Variants in HECTD4 observed in about 807,000 individuals in gnomAD.
HECTD4 encodes the protein probable E3 ubiquitin-protein ligase HECTD4.
In HECTD4, 114 loss-of-function variants were observed where a neutral mutation model predicts 471.5. That is an observed-to-expected ratio of 0.24 (90% CI 0.21 to 0.28). The LOEUF is 0.28. HECTD4 is among the 10% of genes least tolerant of loss of function. The pLI is 1.00. For missense variants in HECTD4, 3,866 were observed against 5,651.5 expected, an observed-to-expected ratio of 0.68 and a Z score of 10.13; for synonymous variants, 2,012 against 2,256.0, an observed-to-expected ratio of 0.89 and a Z score of 3.07.
chr12:112,287,665 G>A (rs1015078111), intron 7 of HECTD4, among the ~76,000 whole-genome samples: 5 of 152,010 alleles, frequency 3.3e-5, no homozygotes, highest in African/African-American at 1.2e-4. Context: ...GCTCCCAGCT[G>A]GATTACGCCT....
Position 112,259,213 on chromosome 12 carries a change from G to T in HECTD4, c.2926C>A (p.Pro976Thr), listed in dbSNP as rs746497618. Reference protein sequence around the residue: ...TKATMLGHLLPVLLTSLMHPN... With the variant: ...TKATMLGHLLTVLLTSLMHPN... Reference sequence around the variant, plus strand: ...TGCATCAAGGAGGTCAGTAACACTGGAAGAAGGTGACCAAGCATAGTAGCC... The same window carrying T: ...TGCATCAAGGAGGTCAGTAACACTGTAAGAAGGTGACCAAGCATAGTAGCC... The change falls in exon 19 of 76, where the codon CCA becomes ACA. Residue 976 changes from proline (P) to threonine (T), a missense_variant. Physicochemically the swap from Pro to Thr is conservative, Grantham distance 38 (BLOSUM62 -1). Transcript: ENST00000682272. The T allele has an allele frequency of 6.2e-7, 1 of 1,613,936 alleles. No individual in the cohort carries two copies. Among genetic ancestry groups the T allele is most frequent in the Non-Finnish European group, 8.5e-7 (1 of 1,179,868 alleles).
intron 2 of HECTD4, among the ~76,000 whole-genome samples, chr12:112,316,805 C>G (rs1001792904): frequency 2.0e-5 from 3 of 151,472 alleles, no homozygotes; most frequent in African/African-American, 7.3e-5. Context: ...AAGCACATGA[C>G]TTCTGAAGTC....
In HECTD4 at chr12:112,313,226, G is replaced by A. The variant is rs977778447; in HGVS notation, c.786-79C>T. 2.5e-6 allele frequency: 3 copies of A among 1,194,114 alleles called. No individual in the cohort carries two copies. The African/African-American group carries it at 4.6e-5, about 18-fold the overall frequency. The allele number at this position is 1,194,114 out of a possible 1,614,324, so 74.0% of individuals were successfully genotyped here. A position where few individuals can be genotyped will look rare whatever the true frequency, so the allele number is the denominator to read the frequency against. ...AGAAGTATACCTGCTACCCCAAAGAGTAGAAACCAAAATTTTAAAACTAAG... is the reference window on the plus strand; with the variant it reads ...AGAAGTATACCTGCTACCCCAAAGAATAGAAACCAAAATTTTAAAACTAAG... On this transcript the variant is annotated intron_variant, in intron 3 of 75. Transcript: ENST00000682272.
Position 112,243,131 on chromosome 12 carries a change from T to C in HECTD4, c.4958+222A>G, listed in dbSNP as rs140513289. Among the ~76,000 whole-genome samples the C allele has an allele frequency of 5.2e-3, 786 of 152,308 alleles. 4 individuals carry two copies. The highest frequency in any genetic ancestry group is 0.018 in the African/African-American group (739 of 41,564). ...CATGTATGGTTGCTGTAATGAGCTCTTAATGGACAGAGTGGAATTCAGGAG... is the reference window on the plus strand; with the variant it reads ...CATGTATGGTTGCTGTAATGAGCTCCTAATGGACAGAGTGGAATTCAGGAG... On this transcript the variant is annotated intron_variant, in intron 32 of 75. Transcript: ENST00000682272. The surrounding 1 kb of genome is among the most constrained non-coding windows in gnomAD (Gnocchi z 6.6).
At chr12:112,259,034 C>T in intron 19 of HECTD4, 78 bp downstream of exon 19, 1 of 1,278,864 alleles carries the variant, frequency 7.8e-7, no homozygotes, top group East Asian at 2.5e-5. Flanking sequence ...TTTATTCTGT[C>T]TTCAGTGAAA....
At chr12:112,314,892 GA>G (rs1358142055) in intron 2 of HECTD4, among the ~76,000 whole-genome samples, 2 of 152,176 alleles carry the variant, frequency 1.3e-5, no homozygotes, top group African/African-American at 4.8e-5. Flanking sequence ...TCACCCTCTG[GA>G]GGATCATAAA....
chr12:112,300,307 CAAAAA>C (rs572345517), intron 7 of HECTD4, among the ~76,000 whole-genome samples: 1 of 69,924 alleles, frequency 1.4e-5, no homozygotes, highest in Non-Finnish European at 3.1e-5. Context: ...GATTCCATCT[CAAAAA>C]AAAAAAAAAA....
intron 1 of HECTD4, among the ~76,000 whole-genome samples, chr12:112,338,092 G>A (rs1273436183): frequency 6.6e-6 from 1 of 152,100 alleles, no homozygotes; most frequent in Admixed American, 6.6e-5. Flanking sequence ...TCGAAGTGTC[G>A]GCAGGGCTGC....
Position 112,251,140 on chromosome 12 carries a change from A to G in HECTD4, c.3553-6T>C, listed in dbSNP as rs2033874554. The G allele has an allele frequency of 2.5e-6, 4 of 1,612,964 alleles. No individual in the cohort carries two copies. Among genetic ancestry groups the G allele is most frequent in the Non-Finnish European group, 2.5e-6 (3 of 1,179,500 alleles). On this transcript the variant is annotated splice_polypyrimidine_tract_variant and splice_region_variant and intron_variant, in intron 23 of 75. Transcript: ENST00000682272. ...GAGACATCCTCCGAAGACTCCTACAATGCAGACAGGGGTAAACCACACTGG... is the reference window on the plus strand; with the variant it reads ...GAGACATCCTCCGAAGACTCCTACAGTGCAGACAGGGGTAAACCACACTGG...
At chr12:112,368,423 TCAAA>T (rs1465214407) in intron 1 of HECTD4, among the ~76,000 whole-genome samples, 3 of 152,194 alleles carry the variant, frequency 2.0e-5, no homozygotes, top group Admixed American at 6.6e-5. Context: ...TACCAAACTA[TCAAA>T]CAGATAACAC....
chr12:112,275,144 C>T (rs748428541), intron 9 of HECTD4, among the ~76,000 whole-genome samples, 184 bp from the exon 10 acceptor site: 8 of 152,238 alleles, frequency 5.3e-5, no homozygotes, highest in Admixed American at 1.3e-4. Flanking sequence ...ACTGTCACCA[C>T]CAGAAATTTT....
chr12:112,267,905 T>TGACCTCCCAGGCTCAAGTG (rs2034316684), intron 13 of HECTD4, among the ~76,000 whole-genome samples: 1 of 152,162 alleles, frequency 6.6e-6, no homozygotes. Flanking sequence ...ATTGCAGCCT[T>TGACCTCCCAGGCTCAAGTG]GACCTCCCAG....
intron 10 of HECTD4, 111 bp downstream of exon 10, chr12:112,274,736 C>T (rs949172234): frequency 2.3e-5 from 16 of 683,118 alleles, no homozygotes; most frequent in Admixed American, 1.6e-4. Flanking sequence ...AAACAAAAAA[C>T]GTCTTTCTTT....
chr12:112,229,318 C>A (rs1234130099), intron 41 of HECTD4, among the ~76,000 whole-genome samples: 1 of 150,564 alleles, frequency 6.6e-6, no homozygotes, highest in Admixed American at 6.7e-5. Context: ...CAGAGCAAGA[C>A]TCTGTCTCAA....
Position 112,185,290 on chromosome 12 carries a change from C to T in HECTD4, c.9676G>A (p.Glu3226Lys), listed in dbSNP as rs1256356900. 1 of 1,555,760 alleles carries T rather than the reference C, an allele frequency of 6.4e-7. No homozygotes were observed. Among genetic ancestry groups the T allele is most frequent in the Admixed American group, 1.9e-5 (1 of 51,386 alleles). Residue 3226 changes from glutamate to lysine, a missense_variant, in exon 61 of 76, where the codon GAG (glutamate) becomes AAG (lysine). Glu to Lys is a moderately conservative substitution (Grantham distance 56, BLOSUM62 1). Transcript: ENST00000682272. ...QSELHKLYDE[E>K]TQNWVSGGAC... Reference sequence around the variant, plus strand: ...CCGCCTGAGACCCAGTTCTGCGTCTCCTCGTCGTACAGCTTGTGGAGCTCC... The same window carrying T: ...CCGCCTGAGACCCAGTTCTGCGTCTTCTCGTCGTACAGCTTGTGGAGCTCC...
In HECTD4 at chr12:112,185,223, C is replaced by T. The variant is rs1238476280; in HGVS notation, c.9743G>A (p.Gly3248Asp). 5 of 1,551,054 alleles carry T rather than the reference C, an allele frequency of 3.2e-6. No homozygotes were observed. Among genetic ancestry groups the T allele is most frequent in the Non-Finnish European group, 4.4e-6 (5 of 1,146,872 alleles). Residue 3248 changes from glycine (G) to aspartate (D), a missense_variant, in exon 61 of 76, where the codon GGC (glycine) becomes GAC (aspartate). Around this residue, in one of 16 missense-constraint regions of HECTD4, gnomAD observed 364 missense variants for 413.2 expected, o/e 0.88. Transcript: ENST00000682272. ...TGCATGAAAATACGTAGAGAACCTG[C>T]CCTGGTCACCGGCCGCCGCCCCCCC... ...GSGGAAAGDQ[G>D]RFSTYFHALM...
At position 112,170,440 on chromosome 12, in the gene HECTD4, T is replaced by C. The variant is rs750605337; in HGVS notation, c.11945A>G (p.Tyr3982Cys). 26 of 1,613,810 alleles carry C rather than the reference T, an allele frequency of 1.6e-5. No individual in the cohort carries two copies. The highest frequency in any genetic ancestry group is 2.7e-5 in the African/African-American group (2 of 74,942). ...LLKEAKGLIF[Y>C]DTKVTVMNRV... is the part of the protein sequence containing the mutation. ...ATTCATCACGGTCACCTTCGTGTCA[T>C]AGAAGATCAGCCCTAAGGAGAGGAA... Residue 3982 changes from tyrosine to cysteine, a missense_variant, in exon 69 of 76, where the codon TAT (tyrosine) becomes TGT (cysteine). Tyr to Cys is a radical substitution (Grantham distance 194, BLOSUM62 -2). Around this residue, in one of 16 missense-constraint regions of HECTD4, gnomAD observed 715 missense variants for 1,087.6 expected, o/e 0.66. Coordinates refer to ENST00000682272, the MANE Select transcript of HECTD4 (RefSeq NM_001388303.1).
chr12:112,252,169 T>C (rs912953159), intron 23 of HECTD4, among the ~76,000 whole-genome samples: 1 of 152,202 alleles, frequency 6.6e-6, no homozygotes, highest in African/African-American at 2.4e-5. Flanking sequence ...TGGGGTCAGG[T>C]CACCTCCCCA....
intron 1 of HECTD4, among the ~76,000 whole-genome samples, chr12:112,369,628 G>A (rs926914970): frequency 1.3e-5 from 2 of 152,094 alleles, no homozygotes; most frequent in Non-Finnish European, 2.9e-5. Flanking sequence ...TACAGTGTGA[G>A]CCACCTCACC....
Sources: gnomAD v4.1 joint callset for allele counts (sites outside exome capture counted in the v4.1 genomes callset) on GRCh38, gnomAD v4.1.1 for gene constraint, gnomAD v4.1.1 regional missense constraint, Gnocchi (gnomAD v3.1) non-coding constraint, MANE v1.5 for transcripts, NCBI Gene and HGNC (gene_info 2026-07-23, HGNC 2026-07-21) for gene names.